The following COG3 variants were observed in gnomAD, a reference collection of about 807,000 sequenced individuals.
COG3 encodes component of oligomeric golgi complex 3.
In COG3, 32 loss-of-function variants were observed where a neutral mutation model predicts 114.1. The observed-to-expected ratio is 0.28, with a 90% CI of 0.21 to 0.38. The LOEUF (loss-of-function observed/expected upper bound fraction) is 0.38. Ranked by LOEUF, COG3 falls within the 10% of genes least tolerant of loss-of-function variation. The pLI, the probability that COG3 is intolerant of heterozygous loss-of-function variation, is 1.00. For missense variants in COG3, 813 were observed against 973.2 expected (o/e 0.84, Z 2.19); for synonymous variants, 352 against 365.7 (o/e 0.96, Z 0.43).
chr13:45,477,883 C>T (rs1366078377), intron 2 of COG3, among the ~76,000 whole-genome samples: 1 of 152,104 alleles, frequency 6.6e-6, no homozygotes, highest in Non-Finnish European at 1.5e-5. Context: ...GCCTTGCCCT[C>T]CCAAAGTGCT....
chr13:45,507,930 G>A (rs1289019911), intron 14 of COG3, among the ~76,000 whole-genome samples: 1 of 151,522 alleles, frequency 6.6e-6, no homozygotes, highest in Admixed American at 6.6e-5. Context: ...TTAGCCGGGT[G>A]TGGTGGCATG....
chr13:45,483,371 TCAA>T lies in COG3; in HGVS notation c.843+22_843+24del. 6.5e-7 allele frequency: 1 copy of T among 1,548,052 alleles called. No individual in the cohort carries two copies. The highest frequency in any genetic ancestry group is 1.4e-5 in the African/African-American group (1 of 72,370). On this transcript the variant is annotated intron_variant, in intron 7 of 22. Coordinates refer to ENST00000349995, the MANE Select transcript of COG3 (RefSeq NM_031431.4). ...ACTGAAAAGGGTGAGTTAACTGATC[TCAA>T]CAACAGGTTTTTGTTATTGTTGTTG...
chr13:45,503,173 G>T, intron 13 of COG3, 71 bp from the exon 14 acceptor site: 1 of 723,934 alleles, frequency 1.4e-6, no homozygotes, highest in Non-Finnish European at 2.5e-6. Flanking sequence ...TATGTACTTT[G>T]TATAAAGAAC....
intron 4 of COG3, among the ~76,000 whole-genome samples, chr13:45,480,841 C>G (rs1886205818): frequency 6.6e-6 from 1 of 152,196 alleles, no homozygotes; most frequent in African/African-American, 2.4e-5. Context: ...ACTGGGATTA[C>G]AGGTGTGAGC....
At chr13:45,494,892 G>A (rs1868565135) in intron 12 of COG3, among the ~76,000 whole-genome samples, 1 of 127,956 alleles carries the variant, frequency 7.8e-6, no homozygotes, top group Admixed American at 9.8e-5. Flanking sequence ...ACGGAGTCTC[G>A]CTCTGTGCAG....
chr13:45,508,068 T>TAAAAAAAAA (rs10571583), intron 14 of COG3, among the ~76,000 whole-genome samples: 8 of 32,270 alleles, frequency 2.5e-4, no homozygotes, highest in Non-Finnish European at 3.0e-4. Context: ...AGGTCCAACC[T>TAAAAAAAAA]AAAAAAAAAA....
rs201483204 is a variant in COG3 at position 45,503,153 on chromosome 13, A to AAT, written c.1489-80_1489-79dup. Reference sequence around the variant, plus strand: ...AATAGTTTCCAAATGTCAAGTTGAAAATATATATATATGTACTTTGTATAA... The same window carrying AAT: ...AATAGTTTCCAAATGTCAAGTTGAAAATATATATATATATGTACTTTGTATAA... On this transcript the variant is annotated intron_variant, in intron 13 of 22. Transcript: ENST00000349995. The AAT allele has an allele frequency of 1.7e-3, 835 of 492,770 alleles. 2 individuals carry two copies. Among genetic ancestry groups the AAT allele is most frequent in the East Asian group, 5.5e-3 (166 of 30,358 alleles). 30.5% of individuals were successfully genotyped at this position (492,770 alleles called of 1,614,324 possible).
At chr13:45,482,302 G>T in intron 5 of COG3, 79 bp from the exon 6 acceptor site, 1 of 687,728 alleles carries the variant, frequency 1.5e-6, no homozygotes. Flanking sequence ...AGGCAAATAT[G>T]CTGACTCTAA....
At chr13:45,511,880 C>G in intron 16 of COG3, 26 bp downstream of exon 16, 1 of 1,549,698 alleles carries the variant, frequency 6.5e-7, no homozygotes, top group Non-Finnish European at 8.9e-7. Flanking sequence ...AGGTGAAATC[C>G]TGTTTCCTGG....
rs143784754 is a variant in COG3 at position 45,518,126 on chromosome 13, A to G, written c.1931-636A>G. Among the ~76,000 whole-genome samples the G allele has an allele frequency of 4.8e-3, 727 of 152,358 alleles. 3 individuals carry two copies. The highest frequency in any genetic ancestry group is 0.014 in the Middle Eastern group (4 of 294). ...GTGTGCTTGCCAAACCAGGGTTACAAGCATTTCATGCTTTGCTTTATCTGG... is the reference window on the plus strand; with the variant it reads ...GTGTGCTTGCCAAACCAGGGTTACAGGCATTTCATGCTTTGCTTTATCTGG... On this transcript the variant is annotated intron_variant, in intron 17 of 22. Coordinates refer to ENST00000349995, the MANE Select transcript of COG3 (RefSeq NM_031431.4).
At chr13:45,497,997 C>A (rs1052955698) in intron 13 of COG3, among the ~76,000 whole-genome samples, 3 of 152,176 alleles carry the variant, frequency 2.0e-5, no homozygotes, top group African/African-American at 7.2e-5. Context: ...GTAGGTAACT[C>A]TAAAAAGTTA....
chr13:45,535,406 G>C lies in COG3; in HGVS notation c.*675G>C. 2.0e-6 allele frequency: 2 copies of C among 985,414 alleles called. No individual in the cohort carries two copies. The highest frequency in any genetic ancestry group is 2.4e-6 in the Non-Finnish European group (2 of 829,920). 61.0% of individuals were successfully genotyped at this position (985,414 alleles called of 1,614,324 possible). On this transcript the variant is annotated 3_prime_UTR_variant, in exon 23 of 23. Transcript: ENST00000349995. Reference sequence around the variant, plus strand: ...GGTGCAGACAGTTCTAAAGCAAGGAGCTGCAGCATTCTCATCATAGATACG... The same window carrying C: ...GGTGCAGACAGTTCTAAAGCAAGGACCTGCAGCATTCTCATCATAGATACG...
rs902654422 is a variant in COG3 at position 45,519,065 on chromosome 13, G to A, written c.2125G>A (p.Val709Ile). 1.5e-5 allele frequency: 24 copies of A among 1,614,062 alleles called. No homozygotes were observed. In the Admixed American group the frequency reaches 2.7e-4, roughly 18 times the overall value. Residue 709 changes from valine to isoleucine, a missense_variant, in exon 19 of 23, where the codon GTA (valine) becomes ATA (isoleucine). Val to Ile is a conservative substitution (Grantham distance 29). Coordinates refer to ENST00000349995, the MANE Select transcript of COG3 (RefSeq NM_031431.4). ...TATTCAGCAGCAGACCAAGCTGTTT[G>A]TAGAACAGCTGGAGGAGTTCATGAC... ...QFIQQQTKLFVEQLEEFMTKV... is the reference protein window; with the variant it reads ...QFIQQQTKLFIEQLEEFMTKV...
At chr13:45,485,238 C>G in intron 7 of COG3, among the ~76,000 whole-genome samples, 1 of 104,110 alleles carries the variant, frequency 9.6e-6, no homozygotes, top group African/African-American at 4.4e-5. Context: ...GGGCTGACCC[C>G]CCCCACCTCC....
intron 20 of COG3, among the ~76,000 whole-genome samples, chr13:45,525,768 T>C (rs1041523680): frequency 2.3e-5 from 3 of 131,902 alleles, no homozygotes; most frequent in Non-Finnish European, 4.7e-5. Flanking sequence ...TAAATTGATA[T>C]TTCTGGCCAT....
chr13:45,533,825 C>A (rs569392503), intron 22 of COG3, among the ~76,000 whole-genome samples: 2 of 152,364 alleles, frequency 1.3e-5, no homozygotes, highest in East Asian at 3.9e-4. Context: ...TTGTCTCTTT[C>A]ATCATGATTA....
intron 19 of COG3, among the ~76,000 whole-genome samples, chr13:45,523,545 G>A (rs1433248574): frequency 6.6e-6 from 1 of 152,138 alleles, no homozygotes; most frequent in Non-Finnish European, 1.5e-5. Flanking sequence ...AACTTTTGAA[G>A]CAAATGCTCT....
chr13:45,488,767 A>G (rs1165096242), intron 8 of COG3, among the ~76,000 whole-genome samples: 1 of 152,194 alleles, frequency 6.6e-6, no homozygotes, highest in African/African-American at 2.4e-5. Flanking sequence ...ATTTTATAAC[A>G]TATCTGAGAT....
intron 2 of COG3, among the ~76,000 whole-genome samples, chr13:45,478,069 C>T (rs1417389117): frequency 6.6e-6 from 1 of 152,150 alleles, no homozygotes; most frequent in East Asian, 1.9e-4. Context: ...AGCAAGTAGG[C>T]ATTAGCCTGT....
Sources: gnomAD v4.1 joint callset for allele counts (sites outside exome capture counted in the v4.1 genomes callset) on GRCh38, gnomAD v4.1.1 for gene constraint, MANE v1.5 for transcripts, NCBI Gene and HGNC (gene_info 2026-07-23, HGNC 2026-07-21) for gene names.